The following MCC variants were observed in gnomAD, a reference collection of about 807,000 sequenced individuals.
MCC encodes the protein MCC regulator of Wnt signaling pathway.
MCC carries 90 observed loss-of-function variants against 116.2 expected under a neutral mutation model. The ratio of observed to expected loss-of-function variants is 0.77; its 90% CI spans 0.65 to 0.92. The LOEUF (loss-of-function observed/expected upper bound fraction) is 0.92. Among genes scored for constraint, MCC ranks in the 40% least tolerant of loss-of-function variants. The pLI, the probability that MCC is intolerant of heterozygous loss-of-function variation, is 0.00. For missense variants in MCC, 1,516 were observed against 1,312.2 expected (o/e 1.16, Z -2.40); for synonymous variants, 578 against 510.5 (o/e 1.13, Z -1.78).
rs137888268 is a variant in MCC, at chr5:113,330,494, C to T, written c.627+10025G>A. Among the ~76,000 whole-genome samples the T allele has an allele frequency of 1.2e-3, 177 of 152,234 alleles. 5 individuals are homozygous for T. In the East Asian group the frequency reaches 0.03, roughly 26 times the overall value. On this transcript the variant is annotated intron_variant, in intron 3 of 18. Transcript: ENST00000408903. ...TCCTATCTCTCCTTTGCCTTTTCTT[C>T]AAAAACGCAAAAAGTCATTAAGATG...
chr5:113,366,721 T>G (rs1476274879), intron 2 of MCC, among the ~76,000 whole-genome samples: 1 of 152,214 alleles, frequency 6.6e-6, no homozygotes, highest in Admixed American at 6.5e-5. Flanking sequence ...GACTCATACA[T>G]CTTTACTCTT....
intron 1 of MCC, among the ~76,000 whole-genome samples, chr5:113,449,427 T>C (rs17135630): frequency 0.19 from 28,377 of 152,114 alleles, 3,149 homozygotes; most frequent in Admixed American, 0.31. Flanking sequence ...TTTAACACTA[T>C]AACTGGGAGC....
chr5:113,451,014 A>T (rs556585473), intron 1 of MCC, among the ~76,000 whole-genome samples: 2 of 151,542 alleles, frequency 1.3e-5, no homozygotes, highest in African/African-American at 4.9e-5. Context: ...TGCTTCTTTT[A>T]TTCTAATGCA....
intron 3 of MCC, among the ~76,000 whole-genome samples, chr5:113,327,561 A>AAAAAAAAAATATAT (rs1480996383): frequency 5.0e-5 from 4 of 80,580 alleles, no homozygotes; most frequent in Non-Finnish European, 7.4e-5. Flanking sequence ...AAAAAAAAAA[A>AAAAAAAAAATATAT]ATATATATAT....
chr5:113,120,971 T>G (rs1202636550), intron 6 of MCC, among the ~76,000 whole-genome samples: 2 of 152,138 alleles, frequency 1.3e-5, no homozygotes, highest in Non-Finnish European at 2.9e-5. Context: ...AAAACAAAAC[T>G]CAAAGCAAAA....
intron 3 of MCC, among the ~76,000 whole-genome samples, chr5:113,153,079 C>T (rs1021298693): frequency 2.6e-5 from 4 of 152,152 alleles, no homozygotes; most frequent in Admixed American, 6.5e-5. Context: ...AACTGTCAGT[C>T]TGAGGATTTT....
At chr5:113,428,849 AC>A (rs897926274) in intron 1 of MCC, 1 of 152,226 alleles carries the variant, frequency 6.6e-6, no homozygotes, top group Non-Finnish European at 1.5e-5. Context: ...AGTCCAAAAG[AC>A]ATTAAATAAA....
At chr5:113,453,336 C>A (rs1409962933) in intron 1 of MCC, among the ~76,000 whole-genome samples, 2 of 152,122 alleles carry the variant, frequency 1.3e-5, no homozygotes, top group Non-Finnish European at 2.9e-5. Context: ...AGTCCTACCA[C>A]CAAGAAATGT....
intron 17 of MCC, among the ~76,000 whole-genome samples, chr5:113,040,655 GTGTGTA>G (rs774827867): frequency 6.6e-6 from 1 of 152,142 alleles, no homozygotes; most frequent in Non-Finnish European, 1.5e-5. Flanking sequence ...CAGCCCTGAG[GTGTGTA>G]TATTGTATCC....
At chr5:113,078,090 C>G (rs764039904) in intron 11 of MCC, among the ~76,000 whole-genome samples, 8 of 152,116 alleles carry the variant, frequency 5.3e-5, no homozygotes, top group Non-Finnish European at 8.8e-5. Context: ...ATACACCTTC[C>G]CAACACTAAA....
chr5:113,197,763 G>C (rs545626566), intron 3 of MCC, among the ~76,000 whole-genome samples: 1 of 152,326 alleles, frequency 6.6e-6, no homozygotes, highest in African/African-American at 2.4e-5. Context: ...AGAAGAAAAG[G>C]AGGCAGGGCA....
intron 1 of MCC, among the ~76,000 whole-genome samples, chr5:113,394,254 T>C (rs1769472141): frequency 6.6e-6 from 1 of 152,174 alleles, no homozygotes; most frequent in Non-Finnish European, 1.5e-5. Context: ...TTTTATTGTC[T>C]AAATAGCTCT....
At chr5:113,469,411 T>C (rs1772014060) in intron 1 of MCC, among the ~76,000 whole-genome samples, 1 of 152,222 alleles carries the variant, frequency 6.6e-6, no homozygotes, top group African/African-American at 2.4e-5. Context: ...TCAAAGAACA[T>C]CTTTATTTCT....
At chr5:113,293,728 G>T (rs1581377284) in intron 3 of MCC, among the ~76,000 whole-genome samples, 1 of 152,188 alleles carries the variant, frequency 6.6e-6, no homozygotes, top group African/African-American at 2.4e-5. Flanking sequence ...TTGCCTCAAA[G>T]ACTCAGGAGT....
intron 1 of MCC, among the ~76,000 whole-genome samples, chr5:113,391,181 A>C (rs926552603): frequency 2.6e-5 from 4 of 152,208 alleles, no homozygotes; most frequent in Non-Finnish European, 5.9e-5. Context: ...TATTAAATAT[A>C]GGAAATTTCA....
chr5:113,172,947 G>A lies in MCC; in HGVS notation c.628-21525C>T, dbSNP rs565329788. Among the ~76,000 whole-genome samples the A allele has an allele frequency of 4.0e-4, 60 of 151,628 alleles. 1 individual carries two copies. In the South Asian group the frequency reaches 5.6e-3, roughly 14 times the overall value. On this transcript the variant is annotated intron_variant, in intron 3 of 18. Transcript: ENST00000408903. Reference sequence around the variant, plus strand: ...ATTATTTCAGGATAAACTTTTTGTCGTAAATCTACTGGACACATGAATTTG... The same window carrying A: ...ATTATTTCAGGATAAACTTTTTGTCATAAATCTACTGGACACATGAATTTG...
At chr5:113,200,238 T>C (rs1762615865) in intron 3 of MCC, among the ~76,000 whole-genome samples, 2 of 152,232 alleles carry the variant, frequency 1.3e-5, no homozygotes, top group South Asian at 4.1e-4. Context: ...TGGAATCTCA[T>C]TATAAATGCA....
At chr5:113,275,379 T>G (rs1336553576) in intron 3 of MCC, among the ~76,000 whole-genome samples, 1 of 152,330 alleles carries the variant, frequency 6.6e-6, no homozygotes, top group South Asian at 2.1e-4. Flanking sequence ...TTTAGGAACT[T>G]CTCAGTAATA....
At chr5:113,182,887 G>A (rs189395212) in intron 3 of MCC, among the ~76,000 whole-genome samples, 2 of 152,318 alleles carry the variant, frequency 1.3e-5, no homozygotes, top group Admixed American at 6.5e-5. Context: ...GGCTTGTGAC[G>A]AGGCCATAGT....
Sources: allele counts gnomAD v4.1 joint callset (sites outside exome capture counted in the v4.1 genomes callset), GRCh38; gene constraint gnomAD v4.1.1; transcripts MANE v1.5; gene names NCBI Gene and HGNC (gene_info 2026-07-23, HGNC 2026-07-21).